CORIN: variants seen among roughly 807,000 people sequenced by gnomAD.
CORIN encodes the protein corin, serine peptidase.
A neutral mutation model predicts 125.3 loss-of-function variants in CORIN; 117 were observed. The observed-to-expected ratio is 0.93, with a 90% confidence interval of 0.80 to 1.09. The LOEUF is 1.09. Ranked by LOEUF, CORIN falls within the 50% of genes least tolerant of loss-of-function variation. The pLI is 0.00. For synonymous variants in CORIN, 450 were observed against 466.4 expected (o/e 0.96, Z 0.45); for missense variants, 1,253 against 1,306.7 (o/e 0.96, Z 0.63).
At chr4:47,662,732 A>G (rs1196151399) in intron 11 of CORIN, among the ~76,000 whole-genome samples, 2 of 152,200 alleles carry the variant, frequency 1.3e-5, no homozygotes, top group African/African-American at 2.4e-5. Context: ...TAATTCAACT[A>G]AGTTCTCATT....
chr4:47,670,229 T>C (rs527438550), intron 10 of CORIN, among the ~76,000 whole-genome samples: 2 of 152,344 alleles, frequency 1.3e-5, no homozygotes, highest in East Asian at 3.9e-4. Flanking sequence ...CTGATTTCCC[T>C]CTTTTTGTGA....
intron 19 of CORIN, among the ~76,000 whole-genome samples, chr4:47,619,412 A>G (rs1722212829): frequency 6.6e-6 from 1 of 152,198 alleles, no homozygotes; most frequent in South Asian, 2.1e-4. Context: ...GATAGCTCCA[A>G]AAGGGAGTAT....
At chr4:47,673,544 C>A (rs546390061) in intron 10 of CORIN, among the ~76,000 whole-genome samples, 1 of 152,074 alleles carries the variant, frequency 6.6e-6, no homozygotes, top group East Asian at 1.9e-4. Flanking sequence ...TACTAGAAAT[C>A]AGTCGCTGGG....
chr4:47,706,312 T>C (rs2001935), intron 5 of CORIN: 342,773 of 1,292,362 alleles, frequency 0.27, 48,967 homozygotes, highest in East Asian at 0.57. Context: ...CTCTATGGAC[T>C]TTCAAGAAAA....
At chr4:47,732,904 G>A (rs755246864) in intron 5 of CORIN, among the ~76,000 whole-genome samples, 3 of 151,590 alleles carry the variant, frequency 2.0e-5, no homozygotes, top group Non-Finnish European at 2.9e-5. Context: ...TCCCACTCCC[G>A]TGACCCCCAC....
At chr4:47,803,552 C>T (rs1560556433) in intron 2 of CORIN, among the ~76,000 whole-genome samples, 3 of 152,178 alleles carry the variant, frequency 2.0e-5, no homozygotes, top group Admixed American at 6.5e-5. Flanking sequence ...AACAAATTCA[C>T]ACACCTACAT....
rs146360492 is a variant in CORIN at position 47,621,814 on chromosome 4, A to G, written c.2540+1757T>C. 9.5e-3 allele frequency among the ~76,000 whole-genome samples: 1,431 copies of G among 150,840 alleles called. 9 individuals carry two copies. The highest frequency in any genetic ancestry group is 0.015 in the Non-Finnish European group (1,017 of 67,790). On this transcript the variant is annotated intron_variant, in intron 19 of 21. Coordinates refer to ENST00000273857, the MANE Select transcript of CORIN (RefSeq NM_006587.4). ...CTTTGAGTAAAGCCGATGACATTCC[A>G]TGATGTGGATGGGCCTTACCCATTC...
intron 2 of CORIN, among the ~76,000 whole-genome samples, chr4:47,798,051 C>A (rs1408258947): frequency 6.6e-6 from 1 of 151,920 alleles, no homozygotes; most frequent in Non-Finnish European, 1.5e-5. Context: ...TTTTAGAGTC[C>A]AAATCTTTGG....
At chr4:47,807,080 T>C in intron 1 of CORIN, 33 bp from the exon 2 acceptor site, 1 of 1,571,898 alleles carries the variant, frequency 6.4e-7, no homozygotes, top group Non-Finnish European at 8.7e-7. Flanking sequence ...AACATGGTTT[T>C]AGTTTTACAA....
intron 13 of CORIN, among the ~76,000 whole-genome samples, chr4:47,650,263 T>C (rs1320491586): frequency 1.3e-5 from 2 of 152,254 alleles, no homozygotes; most frequent in African/African-American, 2.4e-5. Flanking sequence ...GACATTTGCA[T>C]TGCTGTCAAT....
intron 17 of CORIN, 50 bp downstream of exon 17, chr4:47,626,355 C>T (rs1338592261): frequency 2.7e-6 from 3 of 1,110,634 alleles, no homozygotes; most frequent in Non-Finnish European, 4.2e-6. Context: ...CAATGATAAA[C>T]TCTTGCTCTG....
At chr4:47,789,923 G>A (rs1190863927) in intron 2 of CORIN, among the ~76,000 whole-genome samples, 2 of 152,186 alleles carry the variant, frequency 1.3e-5, no homozygotes, top group African/African-American at 4.8e-5. Context: ...TCGGGAGGCT[G>A]AGGCAGGAGA....
intron 19 of CORIN, among the ~76,000 whole-genome samples, chr4:47,610,449 GTT>G (rs369204367): frequency 6.7e-6 from 1 of 148,466 alleles, no homozygotes; most frequent in African/African-American, 2.5e-5. Flanking sequence ...TTTTAATGGG[GTT>G]TTTTTTTTCT....
intron 5 of CORIN, among the ~76,000 whole-genome samples, chr4:47,708,554 A>T (rs1289733151): frequency 2.0e-5 from 3 of 152,138 alleles, no homozygotes; most frequent in Non-Finnish European, 4.4e-5. Context: ...TAGGACATGG[A>T]CATCTTTGGG....
intron 5 of CORIN, among the ~76,000 whole-genome samples, chr4:47,698,480 A>G (rs2109753281): frequency 1.3e-5 from 2 of 151,936 alleles, no homozygotes; most frequent in East Asian, 3.9e-4. Context: ...GCAGGGACCA[A>G]GCACAAGAAT....
chr4:47,827,413 T>C (rs1732790423), intron 1 of CORIN, among the ~76,000 whole-genome samples: 1 of 152,214 alleles, frequency 6.6e-6, no homozygotes, highest in Non-Finnish European at 1.5e-5. Flanking sequence ...TTGTAAGAGA[T>C]GTATTATTCC....
chr4:47,702,395 T>C (rs1302300421), intron 5 of CORIN, among the ~76,000 whole-genome samples: 1 of 152,066 alleles, frequency 6.6e-6, no homozygotes, highest in Non-Finnish European at 1.5e-5. Flanking sequence ...TCTGAAAAGC[T>C]ATATATATAT....
chr4:47,665,288 T>C, intron 10 of CORIN, 25 bp from the exon 11 acceptor site: 1 of 1,518,670 alleles, frequency 6.6e-7, no homozygotes, highest in Non-Finnish European at 9.0e-7. Context: ...TACACACAAA[T>C]ATTTTTAAAT....
chr4:47,595,671 G>A lies in CORIN; in HGVS notation c.*50C>T. The A allele has an allele frequency of 6.8e-7, 1 of 1,465,630 alleles. No homozygotes were observed. Among genetic ancestry groups the A allele is most frequent in the South Asian group, 1.3e-5 (1 of 74,616 alleles). 90.8% of individuals were successfully genotyped at this position (1,465,630 alleles called of 1,614,324 possible). A position where few individuals can be genotyped will look rare whatever the true frequency, so the allele number is the denominator to read the frequency against. On this transcript the variant is annotated 3_prime_UTR_variant, in exon 22 of 22. Transcript: ENST00000273857. ...GCAGGCAGCTCTTCACAGTCAAGAA[G>A]GCCATTTTCTTTTAGTGTAGCTGGC...
Sources: gnomAD v4.1 joint callset for allele counts (sites outside exome capture counted in the v4.1 genomes callset) on GRCh38, gnomAD v4.1.1 for gene constraint, MANE v1.5 for transcripts, NCBI Gene and HGNC (gene_info 2026-07-23, HGNC 2026-07-21) for gene names.